Variants in CTPS2 observed in about 807,000 individuals in gnomAD.
The protein encoded by CTPS2 is CTP synthase II.
A neutral mutation model predicts 46.8 loss-of-function variants in CTPS2; 19 were observed. That is an observed-to-expected ratio of 0.41 (90% CI 0.28 to 0.60). CTPS2 has a LOEUF of 0.60. Ranked by LOEUF, CTPS2 falls within the 20% of genes least tolerant of loss-of-function variation. CTPS2 has a pLI of 0.35. For missense variants in CTPS2, 286 were observed against 447.6 expected (o/e 0.64, Z 3.26); for synonymous variants, 151 against 165.2 (o/e 0.91, Z 0.66).
intron 8 of CTPS2, among the ~76,000 whole-genome samples, chrX:16,685,664 C>G (rs1923122675): frequency 9.5e-6 from 1 of 105,473 alleles, no homozygotes. Flanking sequence ...CAAGATCGTC[C>G]TGGCTAACAT....
At chrX:16,690,084 G>A (rs749198419) in intron 7 of CTPS2, among the ~76,000 whole-genome samples, 2 of 107,566 alleles carry the variant, frequency 1.9e-5, no homozygotes, top group South Asian at 8.2e-4. Context: ...CAAAACGATT[G>A]GACAGGTCAG....
At chrX:16,691,438 G>C in intron 7 of CTPS2, 102 bp downstream of exon 7, 12 of 675,637 alleles carry the variant, frequency 1.8e-5, no homozygotes, top group Non-Finnish European at 2.9e-5. Context: ...CCCAGTGCTT[G>C]CATAAATGCC....
intron 13 of CTPS2, among the ~76,000 whole-genome samples, chrX:16,656,558 C>T (rs1011654104): frequency 6.3e-5 from 7 of 110,713 alleles, no homozygotes; most frequent in African/African-American, 9.8e-5. Flanking sequence ...TACAGGTGCC[C>T]GCCACCACGC....
At chrX:16,662,683 T>TTCTA (rs1932994144) in intron 13 of CTPS2, among the ~76,000 whole-genome samples, 1 of 103,567 alleles carries the variant, frequency 9.7e-6, no homozygotes, top group South Asian at 4.3e-4. Flanking sequence ...TGCCTTATGA[T>TTCTA]TCTATCTCCT....
In CTPS2 at chrX:16,689,606, G is replaced by A; in HGVS notation, c.721-5C>T. 1 of 1,194,966 alleles carries A rather than the reference G, an allele frequency of 8.4e-7. No homozygotes were observed. The highest frequency in any genetic ancestry group is 1.1e-6 in the Non-Finnish European group (1 of 885,823). On this transcript the variant is annotated splice_polypyrimidine_tract_variant and splice_region_variant and intron_variant, in intron 7 of 18. Transcript: ENST00000359276. Reference sequence around the variant, plus strand: ...AACATCATGGATACATATGACCTAAGTGGCGATGAGAAATCACCATACTTA... The same window carrying A: ...AACATCATGGATACATATGACCTAAATGGCGATGAGAAATCACCATACTTA...
At position 16,635,280 on chromosome X, in the gene CTPS2, G is replaced by T. The variant is rs901937510; in HGVS notation, c.1393+3867C>A. The stretch of plus-strand genomic sequence containing the variant: ...AAGAAATATGCCAATACGGGATGGG[G>T]GAATCCTACAAAAGAAATGTACCAG... On this transcript the variant is annotated intron_variant, in intron 14 of 18. Transcript: ENST00000359276. Among the ~76,000 whole-genome samples the T allele has an allele frequency of 5.4e-5, 6 of 111,535 alleles. No homozygotes were observed. In the Admixed American group the frequency reaches 5.7e-4, roughly 11 times the overall value.
intron 14 of CTPS2, among the ~76,000 whole-genome samples, chrX:16,622,160 T>G (rs1404292561): frequency 9.0e-6 from 1 of 110,608 alleles, no homozygotes; most frequent in Non-Finnish European, 1.9e-5. Flanking sequence ...ATCCCAGCAC[T>G]TTGGGAAGCT....
At chrX:16,639,037 G>A (rs971062252) in intron 14 of CTPS2, 110 bp downstream of exon 14, 32 of 592,279 alleles carry the variant, frequency 5.4e-5, no homozygotes, top group African/African-American at 4.9e-4. Context: ...AGGGCCCTCC[G>A]AGGATGCTGG....
At chrX:16,623,457 C>T (rs1008089862) in intron 14 of CTPS2, among the ~76,000 whole-genome samples, 1 of 111,474 alleles carries the variant, frequency 9.0e-6, no homozygotes, top group East Asian at 2.8e-4. Context: ...CTGCTATCTC[C>T]ATGGGTTCAA....
At chrX:16,664,830 G>C (rs916571812) in intron 13 of CTPS2, among the ~76,000 whole-genome samples, 2 of 111,608 alleles carry the variant, frequency 1.8e-5, no homozygotes, top group Non-Finnish European at 3.8e-5. Context: ...CACCTAGTGG[G>C]CAGGAGCTCC....
intron 17 of CTPS2, among the ~76,000 whole-genome samples, chrX:16,597,117 C>T (rs1303086174): frequency 4.1e-4 from 45 of 110,728 alleles, no homozygotes; most frequent in African/African-American, 4.9e-4. Flanking sequence ...GAGTAGGTTG[C>T]GAAAATTTTC....
intron 17 of CTPS2, among the ~76,000 whole-genome samples, chrX:16,599,968 AG>A (rs1470257938): frequency 9.1e-6 from 1 of 110,440 alleles, no homozygotes; most frequent in African/African-American, 3.3e-5. Context: ...TAGTAGAGAC[AG>A]GGTTTCGCCA....
intron 6 of CTPS2, among the ~76,000 whole-genome samples, chrX:16,692,184 T>C (rs1211272472): frequency 9.0e-6 from 1 of 110,935 alleles, no homozygotes; most frequent in Non-Finnish European, 1.9e-5. Flanking sequence ...CTGGGCGTGG[T>C]GCAATCCCAG....
chrX:16,697,311 C>T (rs899525203), intron 4 of CTPS2, among the ~76,000 whole-genome samples: 2 of 110,308 alleles, frequency 1.8e-5, no homozygotes, highest in East Asian at 2.8e-4. Context: ...TCTGCTCTTT[C>T]GCCCGGCAAT....
At chrX:16,650,878 C>T in intron 13 of CTPS2, 2 of 571,046 alleles carry the variant, frequency 3.5e-6, no homozygotes, top group East Asian at 3.4e-5. Context: ...TTCTCTTTTC[C>T]TTATTCTTCC....
chrX:16,596,438 T>C (rs946718735), intron 17 of CTPS2, among the ~76,000 whole-genome samples: 3 of 106,508 alleles, frequency 2.8e-5, no homozygotes, highest in Admixed American at 2.1e-4. Flanking sequence ...TGAGAATATG[T>C]GGTGTTTGGT....
chrX:16,627,191 A>G (rs1707455476), intron 14 of CTPS2: 1 of 112,371 alleles, frequency 8.9e-6, no homozygotes, highest in African/African-American at 3.2e-5. Flanking sequence ...GTCTTAATTT[A>G]CTTCACTTTT....
chrX:16,620,739 C>T (rs898346933), intron 14 of CTPS2, among the ~76,000 whole-genome samples: 1 of 112,001 alleles, frequency 8.9e-6, no homozygotes, highest in Non-Finnish European at 1.9e-5. Flanking sequence ...AGAGACTTGC[C>T]CAAAGCCCTG....
intron 14 of CTPS2, among the ~76,000 whole-genome samples, chrX:16,634,622 T>C (rs774040654): frequency 1.8e-5 from 2 of 112,372 alleles, no homozygotes; most frequent in South Asian, 7.3e-4. Context: ...TAACAGGTTA[T>C]TAAGAAAAAA....
Sources: gnomAD v4.1 joint callset for allele counts (sites outside exome capture counted in the v4.1 genomes callset) on GRCh38, gnomAD v4.1.1 for gene constraint, MANE v1.5 for transcripts, NCBI Gene and HGNC (gene_info 2026-07-23, HGNC 2026-07-21) for gene names.